Variants in MYO1D observed in about 807,000 individuals in gnomAD.
MYO1D encodes the protein unconventional myosin-Id.
A neutral mutation model predicts 122.0 loss-of-function variants in MYO1D; 83 were observed. That is an observed-to-expected ratio of 0.68 (90% CI 0.57 to 0.82). MYO1D has a LOEUF of 0.82. Among genes scored for constraint, MYO1D ranks in the 40% least tolerant of loss-of-function variants. The pLI is 0.00. For synonymous variants in MYO1D, 464 were observed against 446.9 expected, an observed-to-expected ratio of 1.04 and a Z score of -0.48; for missense variants, 1,157 against 1,269.5, an observed-to-expected ratio of 0.91 and a Z score of 1.35.
intron 1 of MYO1D, among the ~76,000 whole-genome samples, chr17:32,820,172 T>C (rs967152541): frequency 1.3e-5 from 2 of 152,226 alleles, no homozygotes; most frequent in Admixed American, 6.5e-5. Flanking sequence ...TTGGTGGGAA[T>C]GTAAACTGGT....
At chr17:32,594,266 T>C in intron 21 of MYO1D, 1 of 296,420 alleles carries the variant, frequency 3.4e-6, no homozygotes, top group Non-Finnish European at 6.2e-6. Flanking sequence ...TACCCTTATT[T>C]TGTATATTGC....
At chr17:32,594,607 G>T in intron 21 of MYO1D, 1 of 643,718 alleles carries the variant, frequency 1.6e-6, no homozygotes, top group Non-Finnish European at 2.8e-6. Context: ...TTCAGAAATA[G>T]GCTTTTTCTT....
chr17:32,855,708 A>C (rs1474036416), intron 1 of MYO1D, among the ~76,000 whole-genome samples: 1 of 152,188 alleles, frequency 6.6e-6, no homozygotes, highest in East Asian at 1.9e-4. Context: ...TCATTCATTC[A>C]CTTAAAAAAA....
intron 21 of MYO1D, among the ~76,000 whole-genome samples, chr17:32,594,825 T>C (rs2087475568): frequency 2.0e-5 from 3 of 152,174 alleles, no homozygotes; most frequent in Admixed American, 1.3e-4. Context: ...CAGACTCTAG[T>C]TGTGGTTGCA....
chr17:32,682,385 G>T (rs1452735608), intron 16 of MYO1D, among the ~76,000 whole-genome samples: 24 of 147,448 alleles, frequency 1.6e-4, no homozygotes, highest in Non-Finnish European at 7.5e-5. Context: ...TGCAGCGGCT[G>T]GTACCGGTTG....
chr17:32,755,830 G>T, intron 10 of MYO1D, 168 bp from the exon 11 acceptor site: 1 of 514,152 alleles, frequency 1.9e-6, no homozygotes, highest in Non-Finnish European at 3.3e-6. Context: ...TCTAACAGAG[G>T]TTTATTTTTA....
intron 19 of MYO1D, among the ~76,000 whole-genome samples, chr17:32,642,517 T>C (rs1226377279): frequency 6.6e-6 from 1 of 152,238 alleles, no homozygotes; most frequent in Non-Finnish European, 1.5e-5. Flanking sequence ...TAAATTACCT[T>C]GGGCAGTATG....
At position 32,659,355 on chromosome 17, in the gene MYO1D, G is replaced by A; in HGVS notation, c.2122-17C>T. On this transcript the variant is annotated splice_polypyrimidine_tract_variant and intron_variant, in intron 16 of 21. Coordinates refer to ENST00000318217, the MANE Select transcript of MYO1D (RefSeq NM_015194.3). The stretch of plus-strand genomic sequence containing the variant: ...CCGCCACACCTTCACAATAGAGAAA[G>A]AAAAAGGAAAACGTTATTGACCGGC... 1 of 1,611,280 alleles carries A rather than the reference G, an allele frequency of 6.2e-7. No homozygotes were observed. Among genetic ancestry groups the A allele is most frequent in the Non-Finnish European group, 8.5e-7 (1 of 1,178,362 alleles).
At chr17:32,588,320 C>T (rs192538440) in intron 21 of MYO1D, among the ~76,000 whole-genome samples, 2 of 152,294 alleles carry the variant, frequency 1.3e-5, no homozygotes, top group East Asian at 1.9e-4. Context: ...TTTAAGGGCA[C>T]GATGCCTGAT....
At chr17:32,838,481 C>T (rs1014512174) in intron 1 of MYO1D, among the ~76,000 whole-genome samples, 72 of 152,222 alleles carry the variant, frequency 4.7e-4, no homozygotes, top group African/African-American at 1.6e-3. Context: ...GGGAACGAGA[C>T]ATAGTGACTA....
At chr17:32,851,534 T>C (rs1342347925) in intron 1 of MYO1D, among the ~76,000 whole-genome samples, 1 of 152,212 alleles carries the variant, frequency 6.6e-6, no homozygotes, top group Non-Finnish European at 1.5e-5. Context: ...GCTAACTCCC[T>C]ACCATTCTAC....
At chr17:32,768,119 T>C (rs1030253206) in intron 6 of MYO1D, among the ~76,000 whole-genome samples, 5 of 152,234 alleles carry the variant, frequency 3.3e-5, no homozygotes, top group African/African-American at 7.2e-5. Flanking sequence ...CCAAGATACA[T>C]GCTTGGCTAC....
At chr17:32,804,759 ATAAG>A (rs1567650242) in intron 1 of MYO1D, among the ~76,000 whole-genome samples, 1 of 152,142 alleles carries the variant, frequency 6.6e-6, no homozygotes, top group Non-Finnish European at 1.5e-5. Flanking sequence ...TTGGTCTGTG[ATAAG>A]TAAGGAAATA....
Position 32,559,234 on chromosome 17 carries a change from AT to A in MYO1D, c.2864+45852del, listed in dbSNP as rs1597897129. On this transcript the variant is annotated intron_variant, in intron 21 of 21. Coordinates refer to ENST00000318217, the MANE Select transcript of MYO1D (RefSeq NM_015194.3). ...GGTTTGTAATCCATATACAATAGGGATCTCAACTGTTTTCTGAAGCGCAATT... is the reference window on the plus strand; with the variant it reads ...GGTTTGTAATCCATATACAATAGGGACTCAACTGTTTTCTGAAGCGCAATT... 3.9e-5 allele frequency among the ~76,000 whole-genome samples: 6 copies of A among 152,298 alleles called. No homozygotes were observed. In the East Asian group the frequency reaches 1.2e-3, roughly 29 times the overall value.
rs922815917 is a variant in MYO1D, at chr17:32,634,779, G to A, written c.2709+3943C>T. ...TGGCAATTGGAGTGGGAGTAGCTGG[G>A]AAGAATCCAAGGACCTAGGATGCCT... On this transcript the variant is annotated intron_variant, in intron 20 of 21. Transcript: ENST00000318217. Among the ~76,000 whole-genome samples, 10 of 152,268 alleles carry A rather than the reference G, an allele frequency of 6.6e-5. No individual in the cohort carries two copies. In the South Asian group the frequency reaches 1.0e-3, roughly 16 times the overall value.
intron 7 of MYO1D, among the ~76,000 whole-genome samples, chr17:32,766,345 CAA>C (rs1299012456): frequency 7.9e-5 from 12 of 152,194 alleles, no homozygotes; most frequent in Non-Finnish European, 1.5e-4. Context: ...TGAACTTGTG[CAA>C]AGTTATAAAG....
chr17:32,745,174 C>T (rs924524229), intron 13 of MYO1D, 37 bp downstream of exon 13: 2 of 1,162,048 alleles, frequency 1.7e-6, no homozygotes, highest in Non-Finnish European at 2.5e-6. Flanking sequence ...TGTCAATGAG[C>T]TTAATCTAGA....
intron 20 of MYO1D, among the ~76,000 whole-genome samples, chr17:32,608,663 A>AAATAAAAACTTAGCTTCACATGAAAAT (rs2087660771): frequency 1.3e-5 from 2 of 152,236 alleles, no homozygotes; most frequent in Non-Finnish European, 2.9e-5. Context: ...TATCCTAGAG[A>AAATAAAAACTTAGCTTCACATGAAAAT]AATAAAAACT....
chr17:32,833,109 C>G (rs1401954130), intron 1 of MYO1D, among the ~76,000 whole-genome samples: 1 of 152,172 alleles, frequency 6.6e-6, no homozygotes, highest in Non-Finnish European at 1.5e-5. Flanking sequence ...CTTAGCATTT[C>G]TACTTGGATG....
Sources: gnomAD v4.1 joint callset for allele counts (sites outside exome capture counted in the v4.1 genomes callset) on GRCh38, gnomAD v4.1.1 for gene constraint, MANE v1.5 for transcripts, NCBI Gene and HGNC (gene_info 2026-07-23, HGNC 2026-07-21) for gene names.